EDARADD: variants seen among roughly 807,000 people sequenced by gnomAD.
The protein encoded by EDARADD is ectodysplasin-A receptor-associated adapter protein.
Under a neutral mutation model 25.6 loss-of-function variants are expected in EDARADD, and 20 were observed. The observed-to-expected ratio is 0.78, with a 90% confidence interval of 0.55 to 1.14. The LOEUF is 1.14. EDARADD is among the 50% of genes most tolerant of loss of function. EDARADD has a pLI of 0.00. For synonymous variants in EDARADD, 86 were observed against 94.4 expected, an observed-to-expected ratio of 0.91 and a Z score of 0.52; for missense variants, 225 against 270.1, an observed-to-expected ratio of 0.83 and a Z score of 1.17.
intron 4 of EDARADD, among the ~76,000 whole-genome samples, chr1:236,467,416 A>ACG (rs1659227657): frequency 1.1e-5 from 1 of 94,968 alleles, no homozygotes. Flanking sequence ...CATGGGAAGC[A>ACG]CACACACGCG....
chr1:236,400,439 T>G (rs1211771371), intron 1 of EDARADD, among the ~76,000 whole-genome samples: 4 of 151,942 alleles, frequency 2.6e-5, no homozygotes, highest in African/African-American at 4.8e-5. Flanking sequence ...GTAGCCGAGG[T>G]CAGGGTGAGG....
intron 3 of EDARADD, among the ~76,000 whole-genome samples, chr1:236,357,309 G>C (rs535422663): frequency 6.6e-6 from 1 of 152,080 alleles, no homozygotes; most frequent in Non-Finnish European, 1.5e-5. Flanking sequence ...AAAATACTGC[G>C]TTAGTCTGTT....
rs1658027105 is a variant in EDARADD at position 236,429,206 on chromosome 1, G to GGGAGCA, written c.219+1760_219+1761insCAGGAG. 4.9e-5 allele frequency among the ~76,000 whole-genome samples: 7 copies of GGGAGCA among 143,756 alleles called. No homozygotes were observed. The South Asian group carries it at 9.0e-4, about 18-fold the overall frequency. The allele number at this position is 143,756 out of a possible 152,430, so 94.3% of individuals were successfully genotyped here. On this transcript the variant is annotated intron_variant, in intron 4 of 5. Coordinates refer to ENST00000334232, the MANE Select transcript of EDARADD (RefSeq NM_145861.4). ...GTGCAGAGGGAGAGGGAGCGGGAGC[G>GGGAGCA]GGAGAGGGAGAGATTTTTTTTTTTT... is the stretch of plus-strand genomic sequence containing the variant.
At chr1:236,391,641 T>C (rs1667426438), upstream of EDARADD, among the ~76,000 whole-genome samples, 1 of 152,216 alleles carries the variant, frequency 6.6e-6, no homozygotes, top group African/African-American at 2.4e-5. Flanking sequence ...GTAAGACACA[T>C]GTGGTTCAAT....
At chr1:236,473,956 A>G (rs1421221659) in intron 5 of EDARADD, among the ~76,000 whole-genome samples, 1 of 152,158 alleles carries the variant, frequency 6.6e-6, no homozygotes, top group African/African-American at 2.4e-5. Context: ...ACATCTTTAA[A>G]GAACATTGGC....
intron 3 of EDARADD, among the ~76,000 whole-genome samples, chr1:236,371,986 G>T (rs1345890412): frequency 1.3e-5 from 2 of 150,612 alleles, no homozygotes; most frequent in East Asian, 2.0e-4. Context: ...ATGGAGTCTC[G>T]CTCTGTCTCT....
chr1:236,368,841 A>T (rs2695049), intron 3 of EDARADD, among the ~76,000 whole-genome samples: 44,620 of 151,856 alleles, frequency 0.29, 6,855 homozygotes, highest in African/African-American at 0.39. Context: ...TTTAAGCTTT[A>T]TAGTACTTGC....
intron 4 of EDARADD, among the ~76,000 whole-genome samples, chr1:236,452,392 G>A (rs1419873546): frequency 6.6e-6 from 1 of 152,202 alleles, no homozygotes; most frequent in East Asian, 1.9e-4. Flanking sequence ...TTAGGAGGGA[G>A]CTGGTGGGAG....
chr1:236,484,217 T>A lies in EDARADD; in HGVS notation c.*1568T>A. On this transcript the variant is annotated 3_prime_UTR_variant, in exon 6 of 6. Transcript: ENST00000334232. The surrounding 1 kb of genome is among the most constrained non-coding windows in gnomAD (Gnocchi z 4.1). Reference sequence around the variant, plus strand: ...AAGTGAACCAGATTCGCTCTGTGACTGAGTCCCTTCAGGCGTGCAAGCTGG... The same window carrying A: ...AAGTGAACCAGATTCGCTCTGTGACAGAGTCCCTTCAGGCGTGCAAGCTGG... 1 of 998,088 alleles carries A rather than the reference T, an allele frequency of 1.0e-6. No individual in the cohort carries two copies. The highest frequency in any genetic ancestry group is 1.6e-6 in the Non-Finnish European group (1 of 618,762). 61.8% of individuals were successfully genotyped at this position (998,088 alleles called of 1,614,324 possible).
At chr1:236,451,482 G>C (rs1446790957) in intron 4 of EDARADD, among the ~76,000 whole-genome samples, 1 of 151,818 alleles carries the variant, frequency 6.6e-6, no homozygotes, top group African/African-American at 2.4e-5. Context: ...GAATGCAGTG[G>C]CATGATCTTG....
intron 5 of EDARADD, among the ~76,000 whole-genome samples, chr1:236,478,149 T>C (rs1659561385): frequency 6.6e-6 from 1 of 151,982 alleles, no homozygotes; most frequent in Non-Finnish European, 1.5e-5. Context: ...TGTAAACTGG[T>C]AAAGGCTTTC....
At position 236,431,741 on chromosome 1, in the gene EDARADD, G is replaced by A. The variant is rs1445849173; in HGVS notation, c.219+4291G>A. Among the ~76,000 whole-genome samples, 15 of 59,688 alleles carry A rather than the reference G, an allele frequency of 2.5e-4. 1 individual carries two copies. Among genetic ancestry groups the A allele is most frequent in the South Asian group, 1.2e-3 (2 of 1,628 alleles). The allele number at this position is 59,688 out of a possible 152,430, so 39.2% of individuals were successfully genotyped here. On this transcript the variant is annotated intron_variant, in intron 4 of 5. Coordinates refer to ENST00000334232, the MANE Select transcript of EDARADD (RefSeq NM_145861.4). ...TCGAGACCATCCTGGCTAACAAGGTGAAACCCCGTCTCTACTAAAAATACA... is the reference window on the plus strand; with the variant it reads ...TCGAGACCATCCTGGCTAACAAGGTAAAACCCCGTCTCTACTAAAAATACA...
At position 236,405,820 on chromosome 1, in the gene EDARADD, CCTTT is replaced by C. The variant is rs1558112630; in HGVS notation, c.62-3394_62-3391del. 1.4e-3 allele frequency among the ~76,000 whole-genome samples: 140 copies of C among 100,928 alleles called. 2 individuals are homozygous for C. Among genetic ancestry groups the C allele is most frequent in the African/African-American group, 4.8e-3 (106 of 21,910 alleles). 66.2% of individuals were successfully genotyped at this position (100,928 alleles called of 152,430 possible). On this transcript the variant is annotated intron_variant, in intron 1 of 5. Transcript: ENST00000334232. ...TTTTTCTTTCTTTCTTTCCTTCCTT[CCTTT>C]CCTTCCTTCCTTCCTTCCTTCCTTC...
At chr1:236,390,804 C>T (rs2102998555), upstream of EDARADD, among the ~76,000 whole-genome samples, 1 of 152,248 alleles carries the variant, frequency 6.6e-6, no homozygotes, top group East Asian at 1.9e-4. Context: ...AAACTAGCTT[C>T]CTGGCTTCCT....
intron 3 of EDARADD, among the ~76,000 whole-genome samples, chr1:236,381,924 C>A (rs1667305814): frequency 6.8e-6 from 1 of 146,704 alleles, no homozygotes; most frequent in Non-Finnish European, 1.5e-5. Context: ...GGACTACAGG[C>A]ACATGCCACC....
At chr1:236,356,759 A>C (rs1011316361) in intron 3 of EDARADD, among the ~76,000 whole-genome samples, 2 of 65,220 alleles carry the variant, frequency 3.1e-5, no homozygotes, top group Admixed American at 2.6e-4. Context: ...AACAAAACAA[A>C]AAAAAAAACC....
chr1:236,445,127 C>T (rs560471221), intron 4 of EDARADD, among the ~76,000 whole-genome samples: 2 of 151,670 alleles, frequency 1.3e-5, no homozygotes, highest in African/African-American at 4.8e-5. Flanking sequence ...TTCAGATTTT[C>T]TACATAGACA....
upstream of EDARADD, among the ~76,000 whole-genome samples, chr1:236,390,492 G>A (rs1667408922): frequency 1.3e-5 from 2 of 152,242 alleles, no homozygotes; most frequent in African/African-American, 2.4e-5. Context: ...GGCGGAGCTT[G>A]CAGTGAGCTG....
chr1:236,383,220 C>A (rs1667320843), intron 3 of EDARADD, among the ~76,000 whole-genome samples: 1 of 151,934 alleles, frequency 6.6e-6, no homozygotes, highest in Non-Finnish European at 1.5e-5. Context: ...CATAGAGAAA[C>A]CCTGTCTCCA....
Sources: gnomAD v4.1 joint callset for allele counts (sites outside exome capture counted in the v4.1 genomes callset) on GRCh38, gnomAD v4.1.1 for gene constraint, Gnocchi (gnomAD v3.1) non-coding constraint, MANE v1.5 for transcripts, NCBI Gene and HGNC (gene_info 2026-07-23, HGNC 2026-07-21) for gene names.